COL19A1: variants seen among roughly 807,000 people sequenced by gnomAD.
COL19A1 encodes the protein collagen alpha-1(XIX) chain.
COL19A1 carries 159 observed loss-of-function variants against 190.2 expected under a neutral mutation model. The ratio of observed to expected loss-of-function variants is 0.84; its 90% CI spans 0.73 to 0.95. The LOEUF is 0.95. COL19A1 is among the 40% of genes least tolerant of loss of function. The probability of loss-of-function intolerance (pLI) is 0.00; values close to 1 mark genes in which losing one functional copy is unlikely to be tolerated. For synonymous variants in COL19A1, 509 were observed against 458.9 expected, an observed-to-expected ratio of 1.11 and a Z score of -1.39; for missense variants, 1,418 against 1,431.9, an observed-to-expected ratio of 0.99 and a Z score of 0.16.
intron 9 of COL19A1, among the ~76,000 whole-genome samples, chr6:69,954,995 C>A (rs1055029411): frequency 6.6e-6 from 1 of 152,112 alleles, no homozygotes; most frequent in African/African-American, 2.4e-5. Flanking sequence ...TATCTTAAAT[C>A]ATCTTTCACT....
chr6:70,206,795 C>A, intron 49 of COL19A1, 106 bp from the exon 50 acceptor site: 3 of 904,898 alleles, frequency 3.3e-6, no homozygotes, highest in Non-Finnish European at 3.3e-6. Context: ...TTATTTTAAG[C>A]AAATGTATCA....
intron 11 of COL19A1, among the ~76,000 whole-genome samples, chr6:69,966,219 G>T (rs564537035): frequency 1.3e-5 from 2 of 152,158 alleles, no homozygotes; most frequent in South Asian, 2.1e-4. Flanking sequence ...CGGCCGCCCC[G>T]TCTGGGAAGT....
At chr6:70,195,191 CAT>C (rs1767125307) in intron 48 of COL19A1, among the ~76,000 whole-genome samples, 1 of 149,232 alleles carries the variant, frequency 6.7e-6, no homozygotes, top group South Asian at 2.1e-4. Flanking sequence ...TTTTCCACCA[CAT>C]AGTCTCTGTT....
chr6:70,203,892 T>C (rs1225587181), intron 49 of COL19A1, among the ~76,000 whole-genome samples: 1 of 151,700 alleles, frequency 6.6e-6, no homozygotes, highest in Non-Finnish European at 1.5e-5. Flanking sequence ...GGATTTTCAC[T>C]CTTGTTGCCT....
At chr6:70,152,109 T>C (rs550219099) in intron 31 of COL19A1, among the ~76,000 whole-genome samples, 11 of 152,140 alleles carry the variant, frequency 7.2e-5, no homozygotes, top group African/African-American at 2.6e-4. Flanking sequence ...AGGGTATGTA[T>C]TTGCATGTTT....
chr6:69,978,011 C>T (rs1207972156), intron 11 of COL19A1, among the ~76,000 whole-genome samples: 2 of 152,144 alleles, frequency 1.3e-5, no homozygotes, highest in African/African-American at 2.4e-5. Context: ...TTGCTGTGAT[C>T]TTGCTCCTCA....
At chr6:70,135,748 A>G (rs1174626506) in intron 18 of COL19A1, among the ~76,000 whole-genome samples, 1 of 152,088 alleles carries the variant, frequency 6.6e-6, no homozygotes, top group Non-Finnish European at 1.5e-5. Flanking sequence ...GGATTTAGGG[A>G]TGTTAGTTTG....
At chr6:70,203,807 G>T (rs189613847) in intron 49 of COL19A1, among the ~76,000 whole-genome samples, 1 of 151,980 alleles carries the variant, frequency 6.6e-6, no homozygotes, top group Non-Finnish European at 1.5e-5. Flanking sequence ...GACACTGCTG[G>T]TGTTTTATTT....
chr6:70,163,020 C>T (rs572554568), intron 35 of COL19A1, among the ~76,000 whole-genome samples: 10 of 152,250 alleles, frequency 6.6e-5, no homozygotes, highest in African/African-American at 2.4e-4. Context: ...AAAACTATAG[C>T]TCATTTAGAA....
intron 15 of COL19A1, among the ~76,000 whole-genome samples, chr6:70,098,984 G>A (rs192036927): frequency 3.4e-5 from 5 of 148,406 alleles, no homozygotes; most frequent in Admixed American, 2.0e-4. Context: ...TTTGGGAGGA[G>A]GCCAGAGCCG....
chr6:69,939,224 T>C (rs1387663169), intron 9 of COL19A1, among the ~76,000 whole-genome samples: 1 of 152,150 alleles, frequency 6.6e-6, no homozygotes, highest in Non-Finnish European at 1.5e-5. Flanking sequence ...TTCAATATCA[T>C]TTTATGAAAA....
rs537926679 is a variant in COL19A1, at chr6:69,874,623, T to C, written c.-32-4913T>C. ...AAAATTAGCCGGGCATGGTGGTGGGTGCCTGTAGTCCCAGCTACTTGGGAG... is the reference window on the plus strand; with the variant it reads ...AAAATTAGCCGGGCATGGTGGTGGGCGCCTGTAGTCCCAGCTACTTGGGAG... On this transcript the variant is annotated intron_variant, in intron 1 of 50. Transcript: ENST00000620364. Among the ~76,000 whole-genome samples the C allele has an allele frequency of 1.2e-3, 188 of 151,950 alleles. 1 individual carries two copies. Among genetic ancestry groups the C allele is most frequent in the African/African-American group, 4.0e-3 (167 of 41,446 alleles).
chr6:70,098,433 ATGT>A (rs1473763485), intron 15 of COL19A1: 1 of 514,402 alleles, frequency 1.9e-6, no homozygotes, highest in South Asian at 1.4e-5. Context: ...TTGGGTTTAG[ATGT>A]TGTTCCTTCT....
At chr6:69,982,356 T>C (rs1467808525) in intron 11 of COL19A1, among the ~76,000 whole-genome samples, 1 of 148,502 alleles carries the variant, frequency 6.7e-6, no homozygotes, top group Non-Finnish European at 1.5e-5. Context: ...TTTTCCTGCC[T>C]CAGCCTCCCC....
chr6:70,156,738 T>C lies in COL19A1; in HGVS notation c.2292+15T>C. 4.4e-6 allele frequency: 7 copies of C among 1,597,494 alleles called. No individual in the cohort carries two copies. The highest frequency in any genetic ancestry group is 6.0e-6 in the Non-Finnish European group (7 of 1,167,466). ...AAGGCGATGAGGTAACAGATTCTTT[T>C]CTGATTATATAGTCCTAATATTGAT... On this transcript the variant is annotated intron_variant, in intron 34 of 50. Transcript: ENST00000620364.
chr6:70,098,341 C>A, intron 15 of COL19A1: 1 of 460,160 alleles, frequency 2.2e-6, no homozygotes, highest in Admixed American at 2.1e-5. Context: ...CAGTTAGCTC[C>A]TTTTTTAAAA....
chr6:69,935,931 A>C (rs1773072671), intron 7 of COL19A1, among the ~76,000 whole-genome samples: 1 of 152,108 alleles, frequency 6.6e-6, no homozygotes, highest in African/African-American at 2.4e-5. Context: ...AGAAAACCAC[A>C]GATAATATTT....
At chr6:69,918,402 TAAA>T (rs1421383446) in intron 4 of COL19A1, among the ~76,000 whole-genome samples, 4 of 151,930 alleles carry the variant, frequency 2.6e-5, no homozygotes, top group Non-Finnish European at 5.9e-5. Flanking sequence ...GTTTTGGTGA[TAAA>T]AACAGTAAGG....
At chr6:69,895,775 A>T (rs1200501613) in intron 2 of COL19A1, among the ~76,000 whole-genome samples, 1 of 152,100 alleles carries the variant, frequency 6.6e-6, no homozygotes, top group African/African-American at 2.4e-5. Flanking sequence ...TATCTGTGAG[A>T]TTTATCTAGT....
Sources: gnomAD v4.1 joint callset for allele counts (sites outside exome capture counted in the v4.1 genomes callset) on GRCh38, gnomAD v4.1.1 for gene constraint, MANE v1.5 for transcripts, NCBI Gene and HGNC (gene_info 2026-07-23, HGNC 2026-07-21) for gene names.